The following RBFOX1 variants were observed in gnomAD, a reference collection of about 807,000 sequenced individuals.
RBFOX1 encodes RNA binding fox-1 homolog 1.
A neutral mutation model predicts 57.7 loss-of-function variants in RBFOX1; 8 were observed. That is an observed-to-expected ratio of 0.14 (90% CI 0.08 to 0.25). The LOEUF is 0.25. Ranked by LOEUF, RBFOX1 falls within the 10% of genes least tolerant of loss-of-function variation. RBFOX1 has a pLI of 1.00. For missense variants in RBFOX1, 611 were observed against 548.5 expected (o/e 1.11, Z -1.14); for synonymous variants, 326 against 222.4 (o/e 1.47, Z -4.15).
rs61556349 is a variant in RBFOX1, at chr16:7,197,998, C to CTTTCTTTCTTTCT, written c.27+145903_27+145904insCTTTCTTTCTTTT. Among the ~76,000 whole-genome samples the CTTTCTTTCTTTCT allele has an allele frequency of 7.2e-5, 4 of 55,592 alleles. 1 individual carries two copies. The highest frequency in any genetic ancestry group is 2.7e-4 in the Admixed American group (1 of 3,704). The allele number at this position is 55,592 out of a possible 152,430, so 36.5% of individuals were successfully genotyped here. Reference sequence around the variant, plus strand: ...TCATACCTTGTGGTTTTCTTTCTTTCTTTTTTTTTTTTTTTTTTTTTTTTT... The same window carrying CTTTCTTTCTTTCT: ...TCATACCTTGTGGTTTTCTTTCTTTCTTTCTTTCTTTCTTTTTTTTTTTTTTTTTTTTTTTTTT... On this transcript the variant is annotated intron_variant, in intron 4 of 15. Transcript: ENST00000550418.
At chr16:6,772,838 TGTGTGGGC>T (rs2078564825) in intron 3 of RBFOX1, among the ~76,000 whole-genome samples, 1 of 149,156 alleles carries the variant, frequency 6.7e-6, no homozygotes, top group Admixed American at 6.7e-5. Flanking sequence ...TGTGAGTGTA[TGTGTGGGC>T]ATGGGATGCA....
At chr16:7,086,117 G>C (rs540482284) in intron 4 of RBFOX1, among the ~76,000 whole-genome samples, 1 of 152,184 alleles carries the variant, frequency 6.6e-6, no homozygotes, top group Non-Finnish European at 1.5e-5. Context: ...TAGCCAGTAT[G>C]CATCTTGATG....
chr16:6,856,491 A>G (rs957006768), intron 3 of RBFOX1, among the ~76,000 whole-genome samples: 2 of 152,096 alleles, frequency 1.3e-5, no homozygotes, highest in Non-Finnish European at 2.9e-5. Context: ...AAAGGTTATC[A>G]TTGCCCTCTA....
At chr16:6,493,824 C>G (rs981341580) in intron 2 of RBFOX1, among the ~76,000 whole-genome samples, 8 of 152,174 alleles carry the variant, frequency 5.3e-5, no homozygotes, top group African/African-American at 1.9e-4. Context: ...CCTTTAAACA[C>G]GCCAACTGAA....
chr16:6,255,268 C>T (rs947916534), intron 1 of RBFOX1, among the ~76,000 whole-genome samples: 2 of 152,150 alleles, frequency 1.3e-5, no homozygotes, highest in Non-Finnish European at 2.9e-5. Context: ...CCTCCATTCC[C>T]AGGCATGGGA....
At chr16:7,241,204 C>T (rs192292227) in intron 4 of RBFOX1, among the ~76,000 whole-genome samples, 1 of 152,276 alleles carries the variant, frequency 6.6e-6, no homozygotes, top group African/African-American at 2.4e-5. Context: ...TGTATTGCCC[C>T]ACCTCTACCA....
chr16:5,605,926 G>A (rs887506633), intron 3 of RBFOX1, among the ~76,000 whole-genome samples: 5 of 152,122 alleles, frequency 3.3e-5, no homozygotes, highest in African/African-American at 1.2e-4. Flanking sequence ...CAGCCATCAT[G>A]GAACCCATAA....
chr16:7,090,707 C>T lies in RBFOX1; in HGVS notation c.27+38609C>T, dbSNP rs183982861. Among the ~76,000 whole-genome samples the T allele has an allele frequency of 1.2e-3, 188 of 152,262 alleles. 1 individual carries two copies. The highest frequency in any genetic ancestry group is 2.0e-3 in the Non-Finnish European group (133 of 68,028). On this transcript the variant is annotated intron_variant, in intron 4 of 15. Coordinates refer to ENST00000550418, the MANE Select transcript of RBFOX1 (RefSeq NM_018723.4). ...GAAAGAAAGTTGAGTTCTCTGCAAC[C>T]ATTGGCTGACTTCCGGGCGGTTTTG...
chr16:6,230,955 T>G (rs2097454626), intron 1 of RBFOX1, among the ~76,000 whole-genome samples: 1 of 152,078 alleles, frequency 6.6e-6, no homozygotes, highest in Non-Finnish European at 1.5e-5. Context: ...CCCTCTGACT[T>G]TATAGGGGCT....
At chr16:6,739,940 A>C (rs4786118) in intron 3 of RBFOX1, among the ~76,000 whole-genome samples, 38,995 of 152,088 alleles carry the variant, frequency 0.26, 5,350 homozygotes, top group Non-Finnish European at 0.32. Context: ...TCTGGTCACA[A>C]AACTGGACAA....
At chr16:6,140,955 T>C (rs2096711262) in intron 1 of RBFOX1, among the ~76,000 whole-genome samples, 1 of 152,150 alleles carries the variant, frequency 6.6e-6, no homozygotes, top group African/African-American at 2.4e-5. Context: ...TCTCAGCTCG[T>C]ATTCTCCCCA....
At chr16:7,675,601 G>A (rs1265516129) in intron 13 of RBFOX1, among the ~76,000 whole-genome samples, 2 of 152,272 alleles carry the variant, frequency 1.3e-5, no homozygotes, top group Admixed American at 6.5e-5. Context: ...ATTGAGACCC[G>A]TGTACCTACA....
chr16:5,840,573 G>A (rs1458028189), intron 3 of RBFOX1, among the ~76,000 whole-genome samples: 1 of 152,198 alleles, frequency 6.6e-6, no homozygotes, highest in Non-Finnish European at 1.5e-5. Context: ...AGCTCTACAA[G>A]AAGAGGCTTA....
At chr16:7,391,363 T>A (rs935348455) in intron 4 of RBFOX1, among the ~76,000 whole-genome samples, 1 of 152,188 alleles carries the variant, frequency 6.6e-6, no homozygotes, top group East Asian at 1.9e-4. Flanking sequence ...TCCCAAGATC[T>A]CCAAGGATAC....
chr16:7,345,183 C>G (rs968001450), intron 4 of RBFOX1, among the ~76,000 whole-genome samples: 2 of 152,222 alleles, frequency 1.3e-5, no homozygotes, highest in African/African-American at 4.8e-5. Context: ...CACACATTCT[C>G]TGTCAAACAT....
Position 6,562,832 on chromosome 16 carries a change from TTTTCTTTCTTTCTTTCTTTC to T in RBFOX1, c.-63-91739_-63-91720del, listed in dbSNP as rs370685598. Among the ~76,000 whole-genome samples the T allele has an allele frequency of 3.5e-3, 268 of 75,984 alleles. 1 individual carries two copies. Among genetic ancestry groups the T allele is most frequent in the Admixed American group, 7.0e-3 (47 of 6,676 alleles). 49.8% of individuals were successfully genotyped at this position (75,984 alleles called of 152,430 possible). A position where few individuals can be genotyped will look rare whatever the true frequency, so the allele number is the denominator to read the frequency against. On this transcript the variant is annotated intron_variant, in intron 2 of 15. Coordinates refer to ENST00000550418, the MANE Select transcript of RBFOX1 (RefSeq NM_018723.4). ...AACTGCAGGCCTTGATTCTTGATTC[TTTTCTTTCTTTCTTTCTTTC>T]TTTCTTTCTTTCTTTCTTTCTTTCT...
chr16:6,857,625 T>A (rs952111382), intron 3 of RBFOX1, among the ~76,000 whole-genome samples: 2 of 152,190 alleles, frequency 1.3e-5, no homozygotes, highest in Non-Finnish European at 2.9e-5. Flanking sequence ...TTATTTTCAG[T>A]GTTAAACTGT....
chr16:7,206,428 C>T (rs1377999816), intron 4 of RBFOX1, among the ~76,000 whole-genome samples: 5 of 147,314 alleles, frequency 3.4e-5, no homozygotes, highest in African/African-American at 1.3e-4. Context: ...TATATATATA[C>T]ATATATGTAT....
chr16:6,657,614 CGT>C lies in RBFOX1; in HGVS notation c.-16+2974_-16+2975del, dbSNP rs775988673. ...TGGAGTGATGACAGTTGCTCACGCA[CGT>C]GTGTGTGTGCATGTCCCTCTCCATT... On this transcript the variant is annotated intron_variant, in intron 3 of 15. Transcript: ENST00000550418. Among the ~76,000 whole-genome samples, 14 of 152,178 alleles carry C rather than the reference CGT, an allele frequency of 9.2e-5. No individual in the cohort carries two copies. In the Middle Eastern group the frequency reaches 0.01, roughly 111 times the overall value.
Sources: gnomAD v4.1 joint callset for allele counts (sites outside exome capture counted in the v4.1 genomes callset) on GRCh38, gnomAD v4.1.1 for gene constraint, MANE v1.5 for transcripts, NCBI Gene and HGNC (gene_info 2026-07-23, HGNC 2026-07-21) for gene names.